RBFOX3: variants seen among roughly 807,000 people sequenced by gnomAD.
The protein encoded by RBFOX3 is RNA binding fox-1 homolog 3, also known as RNA binding protein fox-1 homolog 3.
A neutral mutation model predicts 48.7 loss-of-function variants in RBFOX3; 17 were observed. The ratio of observed to expected loss-of-function variants is 0.35; its 90% CI spans 0.24 to 0.52. The LOEUF (loss-of-function observed/expected upper bound fraction) is 0.52. Among genes scored for constraint, RBFOX3 ranks in the 20% least tolerant of loss-of-function variants. RBFOX3 has a pLI of 0.94. For missense variants in RBFOX3, 382 were observed against 497.5 expected (o/e 0.77, Z 2.21); for synonymous variants, 212 against 209.5 (o/e 1.01, Z -0.10).
At chr17:79,490,232 G>A (rs2149581537) in intron 1 of RBFOX3, among the ~76,000 whole-genome samples, 2 of 152,318 alleles carry the variant, frequency 1.3e-5, no homozygotes, top group Middle Eastern at 6.8e-3. Context: ...TAATAATACA[G>A]TGTACCTTTT....
intron 2 of RBFOX3, among the ~76,000 whole-genome samples, chr17:79,397,099 T>C (rs1189159955): frequency 1.3e-5 from 2 of 152,168 alleles, no homozygotes; most frequent in South Asian, 4.1e-4. Context: ...GCATCAGTGT[T>C]TCCAGGAGAC....
intron 2 of RBFOX3, among the ~76,000 whole-genome samples, chr17:79,338,654 A>G (rs4790013): frequency 0.33 from 50,656 of 152,128 alleles, 9,367 homozygotes; most frequent in South Asian, 0.45. Context: ...CCCCAGGAGT[A>G]GAATCTGTGA....
rs543397390 is a variant in RBFOX3, at chr17:79,220,877, G to A, written c.-34+14889C>T. 3.3e-5 allele frequency among the ~76,000 whole-genome samples: 5 copies of A among 152,128 alleles called. No individual in the cohort carries two copies. The highest frequency in any genetic ancestry group is 3.9e-4 in the East Asian group (2 of 5,150). ...AGCGTGGGCCAATCAGAGACGAGGC[G>A]CAGAAGTTGAATGTGCATTGGGTGC... is the stretch of plus-strand genomic sequence containing the variant. On this transcript the variant is annotated intron_variant, in intron 4 of 14. Coordinates refer to ENST00000693108, the MANE Select transcript of RBFOX3 (RefSeq NM_001350451.2). This position sits in a 1 kb window ranked among gnomAD's most constrained non-coding sequence, Gnocchi z 5.9.
Position 79,363,894 on chromosome 17 carries a change from C to G in RBFOX3, c.-174-56070G>C, listed in dbSNP as rs1598395011. ...GGGCTCCTGCAGCCCCTAACTCTCCCCACCTCGTCCCCCTCACCCACTCCA... is the reference window on the plus strand; with the variant it reads ...GGGCTCCTGCAGCCCCTAACTCTCCGCACCTCGTCCCCCTCACCCACTCCA... On this transcript the variant is annotated intron_variant, in intron 2 of 14. Transcript: ENST00000693108. This position sits in a 1 kb window ranked among gnomAD's most constrained non-coding sequence, Gnocchi z 4.7. Among the ~76,000 whole-genome samples the G allele has an allele frequency of 1.3e-5, 2 of 152,162 alleles. No homozygotes were observed. Among genetic ancestry groups the G allele is most frequent in the African/African-American group, 2.4e-5 (1 of 41,428 alleles).
chr17:79,566,461 C>T (rs931252656), intron 1 of RBFOX3, among the ~76,000 whole-genome samples: 10 of 152,304 alleles, frequency 6.6e-5, no homozygotes, highest in East Asian at 3.9e-4. Flanking sequence ...GGCCCAGCAC[C>T]GCATCCATCC....
intron 1 of RBFOX3, among the ~76,000 whole-genome samples, chr17:79,495,571 A>G (rs1598935878): frequency 7.6e-4 from 3 of 3,954 alleles, no homozygotes; most frequent in African/African-American, 1.6e-3. Flanking sequence ...GGGGGCAGGG[A>G]TGGGGATGTG....
At chr17:79,154,360 G>A (rs868764522) in intron 4 of RBFOX3, among the ~76,000 whole-genome samples, 1 of 152,146 alleles carries the variant, frequency 6.6e-6, no homozygotes, top group South Asian at 2.1e-4. Context: ...CCTCTGTCTC[G>A]GGGACCCCGC....
chr17:79,372,937 G>A (rs905446228), intron 2 of RBFOX3, among the ~76,000 whole-genome samples: 5 of 152,166 alleles, frequency 3.3e-5, no homozygotes, highest in Non-Finnish European at 7.4e-5. Context: ...GAAGGTGGGC[G>A]GGGACTGGCA....
At chr17:79,624,601 G>C in the RBFOX3 span, among the ~76,000 whole-genome samples, 1 of 152,072 alleles carries the variant, frequency 6.6e-6, no homozygotes, top group Non-Finnish European at 1.5e-5. Flanking sequence ...AGCTCACCCT[G>C]GTGCCTAGCA....
chr17:79,538,427 G>T (rs566420465), intron 1 of RBFOX3, among the ~76,000 whole-genome samples: 2 of 152,372 alleles, frequency 1.3e-5, no homozygotes, highest in African/African-American at 4.8e-5. Context: ...CCGCCCTGGA[G>T]TGAAGGGCAA....
chr17:79,245,697 A>G (rs1425430933), intron 3 of RBFOX3, among the ~76,000 whole-genome samples: 2 of 145,092 alleles, frequency 1.4e-5, no homozygotes, highest in African/African-American at 5.2e-5. Flanking sequence ...GCGTGATCTC[A>G]GCCCATTGCA....
chr17:79,589,189 AAAC>A (rs1266127450), intron 1 of RBFOX3, among the ~76,000 whole-genome samples: 11 of 152,374 alleles, frequency 7.2e-5, no homozygotes, highest in East Asian at 1.9e-4. Context: ...TGGCGGCCAC[AAAC>A]AACAGCATGA....
At chr17:79,568,550 G>A (rs933372602) in intron 1 of RBFOX3, among the ~76,000 whole-genome samples, 2 of 152,120 alleles carry the variant, frequency 1.3e-5, no homozygotes, top group Non-Finnish European at 2.9e-5. Context: ...ACTTCTGCTG[G>A]TTCCCCTGAC....
rs532847814 is a variant in RBFOX3, at chr17:79,363,763, G to A, written c.-174-55939C>T. On this transcript the variant is annotated intron_variant, in intron 2 of 14. Coordinates refer to ENST00000693108, the MANE Select transcript of RBFOX3 (RefSeq NM_001350451.2). This position sits in a 1 kb window ranked among gnomAD's most constrained non-coding sequence, Gnocchi z 4.7. ...TCCAGCCTCCATGCTCAGCCCGTCC[G>A]CCCCCCAGCAGCCTGGGTCTGACTG... Among the ~76,000 whole-genome samples, 434 of 151,908 alleles carry A rather than the reference G, an allele frequency of 2.9e-3. 1 individual carries two copies. The highest frequency in any genetic ancestry group is 0.01 in the Middle Eastern group (3 of 294).
At chr17:79,575,611 G>A (rs1012240901) in intron 1 of RBFOX3, among the ~76,000 whole-genome samples, 8 of 152,220 alleles carry the variant, frequency 5.3e-5, no homozygotes, top group Admixed American at 2.0e-4. Context: ...GAAGACAGTC[G>A]TTTAAGTCCC....
At chr17:79,386,693 GC>G (rs35485468) in intron 2 of RBFOX3, among the ~76,000 whole-genome samples, 1 of 152,168 alleles carries the variant, frequency 6.6e-6, no homozygotes, top group Non-Finnish European at 1.5e-5. Context: ...CGACATCTTG[GC>G]CCCGCTGTTC....
At chr17:79,585,732 A>T (rs2093229172) in intron 1 of RBFOX3, among the ~76,000 whole-genome samples, 4 of 152,116 alleles carry the variant, frequency 2.6e-5, no homozygotes. Context: ...TCCCAGCAGC[A>T]AAGTGCCAGT....
rs1285586379 is a variant in RBFOX3, at chr17:79,535,708, C to T, written c.-319-53110G>A. Among the ~76,000 whole-genome samples the T allele has an allele frequency of 2.6e-5, 4 of 152,182 alleles. No individual in the cohort carries two copies. Among genetic ancestry groups the T allele is most frequent in the African/African-American group, 7.2e-5 (3 of 41,440 alleles). ...GTTGCCTGTGTTGGGGACAGTCAATCGGACATAGGAATAACGTGTCCTCTG... is the reference window on the plus strand; with the variant it reads ...GTTGCCTGTGTTGGGGACAGTCAATTGGACATAGGAATAACGTGTCCTCTG... On this transcript the variant is annotated intron_variant, in intron 1 of 14. Coordinates refer to ENST00000693108, the MANE Select transcript of RBFOX3 (RefSeq NM_001350451.2). This position sits in a 1 kb window ranked among gnomAD's most constrained non-coding sequence, Gnocchi z 4.5.
chr17:79,292,220 C>G (rs2073403929), intron 3 of RBFOX3, among the ~76,000 whole-genome samples: 1 of 152,130 alleles, frequency 6.6e-6, no homozygotes, highest in African/African-American at 2.4e-5. Flanking sequence ...ACCTGAAGAA[C>G]AGCTTCAGGT....
Sources: allele counts gnomAD v4.1 joint callset (sites outside exome capture counted in the v4.1 genomes callset), GRCh38; gene constraint gnomAD v4.1.1; non-coding constraint Gnocchi (gnomAD v3.1); transcripts MANE v1.5; gene names NCBI Gene and HGNC (gene_info 2026-07-23, HGNC 2026-07-21).